Variants in LARGE1 observed in about 807,000 individuals in gnomAD.
LARGE1 encodes the protein xylosyl- and glucuronyltransferase LARGE1.
Under a neutral mutation model 87.6 loss-of-function variants are expected in LARGE1, and 43 were observed. The observed-to-expected ratio is 0.49, with a 90% CI of 0.38 to 0.63. The LOEUF is 0.63. Ranked by LOEUF, LARGE1 falls within the 30% of genes least tolerant of loss-of-function variation. LARGE1 has a pLI of 0.00. For synonymous variants in LARGE1, 434 were observed against 394.6 expected, an observed-to-expected ratio of 1.10 and a Z score of -1.18; for missense variants, 802 against 1,000.2, an observed-to-expected ratio of 0.80 and a Z score of 2.67.
chr22:33,083,306 CTTG>C, the LARGE1 span, among the ~76,000 whole-genome samples: 12 of 152,268 alleles, frequency 7.9e-5, no homozygotes, highest in Admixed American at 2.0e-4. Context: ...TGACTTTTCA[CTTG>C]TTGTAATTTT....
chr22:33,787,516 A>G (rs1481167266), intron 1 of LARGE1, among the ~76,000 whole-genome samples: 1 of 152,216 alleles, frequency 6.6e-6, no homozygotes, highest in African/African-American at 2.4e-5. Flanking sequence ...TCCTGCCTCC[A>G]AACTATCTTC....
chr22:33,764,203 G>C (rs182180114), intron 1 of LARGE1, among the ~76,000 whole-genome samples: 69 of 152,146 alleles, frequency 4.5e-4, no homozygotes, highest in Non-Finnish European at 6.8e-4. Context: ...GGATTGGGTA[G>C]AAAACAGATT....
intron 9 of LARGE1, among the ~76,000 whole-genome samples, chr22:33,350,830 C>T (rs748844004): frequency 5.3e-5 from 8 of 152,194 alleles, no homozygotes; most frequent in African/African-American, 1.4e-4. Context: ...AGCCCAGACA[C>T]GGACTCCAGC....
intron 1 of LARGE1, among the ~76,000 whole-genome samples, chr22:33,826,713 A>C (rs1416720369): frequency 6.6e-6 from 1 of 152,148 alleles, no homozygotes; most frequent in East Asian, 1.9e-4. Flanking sequence ...CTCTCATCTC[A>C]GGATCCTTAA....
chr22:33,645,186 C>T (rs1165238146), intron 3 of LARGE1, among the ~76,000 whole-genome samples: 3 of 151,510 alleles, frequency 2.0e-5, no homozygotes, highest in Non-Finnish European at 4.4e-5. Flanking sequence ...ACCAAAGCAG[C>T]ATGGTACTCC....
At chr22:33,844,703 T>G (rs1271746493) in intron 1 of LARGE1, among the ~76,000 whole-genome samples, 1 of 151,686 alleles carries the variant, frequency 6.6e-6, no homozygotes, top group African/African-American at 2.4e-5. Flanking sequence ...GTTTATAAAA[T>G]AAGAGTGTGG....
chr22:33,157,334 C>A (rs1921905933), downstream of LARGE1, among the ~76,000 whole-genome samples: 1 of 152,262 alleles, frequency 6.6e-6, no homozygotes, highest in East Asian at 1.9e-4. Context: ...TGTGAGCTTT[C>A]AAAAATGGAA....
At chr22:33,621,836 G>A (rs1316074757) in intron 4 of LARGE1, among the ~76,000 whole-genome samples, 2 of 152,178 alleles carry the variant, frequency 1.3e-5, no homozygotes, top group Non-Finnish European at 2.9e-5. Context: ...TCATTAAAAT[G>A]GTGTATGGTA....
At chr22:33,538,067 G>A (rs1224077316) in intron 6 of LARGE1, among the ~76,000 whole-genome samples, 2 of 152,112 alleles carry the variant, frequency 1.3e-5, no homozygotes, top group Admixed American at 6.5e-5. Flanking sequence ...ACATCCACAG[G>A]TCATGGTGCC....
chr22:33,192,723 C>T (rs1923848628), intron 11 of LARGE1, among the ~76,000 whole-genome samples: 1 of 152,104 alleles, frequency 6.6e-6, no homozygotes, highest in Admixed American at 6.6e-5. Flanking sequence ...CTTTTGGGGT[C>T]ATATTCAAAA....
In LARGE1 at chr22:33,689,145, G is replaced by GTCTCTCTCTCTCTC. The variant is rs3072287; in HGVS notation, c.107-38491_107-38478dup. 2.0e-4 allele frequency among the ~76,000 whole-genome samples: 30 copies of GTCTCTCTCTCTCTC among 147,614 alleles called. No individual in the cohort carries two copies. In the East Asian group the frequency reaches 3.2e-3, roughly 16 times the overall value. On this transcript the variant is annotated intron_variant, in intron 2 of 14. Coordinates refer to ENST00000397394, the MANE Select transcript of LARGE1 (RefSeq NM_133642.5). The stretch of plus-strand genomic sequence containing the variant: ...TACTGCAAGGGCTGACAAATTTACT[G>GTCTCTCTCTCTCTC]TCTCTCTCTCTCTCTCTCTCTCCCC...
Position 33,752,020 on chromosome 22 carries a change from A to G in LARGE1, c.106+9351T>C, listed in dbSNP as rs574572198. 4.6e-5 allele frequency among the ~76,000 whole-genome samples: 7 copies of G among 152,242 alleles called. No individual in the cohort carries two copies. The South Asian group carries it at 1.5e-3, about 32-fold the overall frequency. Reference sequence around the variant, plus strand: ...TGGTCTTGAGCTCCTGGCCTCAAGTAATCTGCCTGCCTTGGCCTCCCAAAG... The same window carrying G: ...TGGTCTTGAGCTCCTGGCCTCAAGTGATCTGCCTGCCTTGGCCTCCCAAAG... On this transcript the variant is annotated intron_variant, in intron 2 of 14. Coordinates refer to ENST00000397394, the MANE Select transcript of LARGE1 (RefSeq NM_133642.5).
chr22:33,894,074 T>C (rs2146850665), intron 1 of LARGE1, among the ~76,000 whole-genome samples: 1 of 151,962 alleles, frequency 6.6e-6, no homozygotes, highest in African/African-American at 2.4e-5. Flanking sequence ...CCCCTCCCCA[T>C]CTAGAGGCTG....
intron 1 of LARGE1, among the ~76,000 whole-genome samples, chr22:33,775,331 C>G (rs2145846957): frequency 6.6e-6 from 1 of 152,206 alleles, no homozygotes; most frequent in East Asian, 1.9e-4. Flanking sequence ...GCTTCATACC[C>G]TGGCATGGTC....
At chr22:33,591,127 C>T (rs943585024) in intron 5 of LARGE1, among the ~76,000 whole-genome samples, 7 of 152,162 alleles carry the variant, frequency 4.6e-5, no homozygotes, top group Non-Finnish European at 1.0e-4. Context: ...CTTGAACCCG[C>T]GAGGCGGAGG....
At chr22:33,662,651 C>T (rs192386191) in intron 2 of LARGE1, among the ~76,000 whole-genome samples, 16 of 152,178 alleles carry the variant, frequency 1.1e-4, no homozygotes, top group Admixed American at 1.0e-3. Context: ...ATAAGGGGGA[C>T]TCTGTACTTG....
intron 11 of LARGE1, among the ~76,000 whole-genome samples, chr22:33,192,835 G>T (rs1923855036): frequency 1.3e-5 from 2 of 152,128 alleles, no homozygotes; most frequent in South Asian, 4.2e-4. Context: ...ATTCTGAGCT[G>T]ATTTTTGTGT....
intron 11 of LARGE1, among the ~76,000 whole-genome samples, chr22:33,182,275 C>T (rs1923213278): frequency 6.6e-6 from 1 of 152,156 alleles, no homozygotes; most frequent in Non-Finnish European, 1.5e-5. Context: ...AGTCCCACAG[C>T]ATAAGTGACC....
chr22:33,500,133 T>C (rs140491976), intron 6 of LARGE1, among the ~76,000 whole-genome samples: 185 of 152,364 alleles, frequency 1.2e-3, no homozygotes, highest in African/African-American at 4.0e-3. Context: ...ATATGTATCA[T>C]GTACATCTAT....
Sources: allele counts gnomAD v4.1 joint callset (sites outside exome capture counted in the v4.1 genomes callset), GRCh38; gene constraint gnomAD v4.1.1; transcripts MANE v1.5; gene names NCBI Gene and HGNC (gene_info 2026-07-23, HGNC 2026-07-21).